IL7: variants seen among roughly 807,000 people sequenced by gnomAD.
IL7 encodes interleukin 7, also known as interleukin-7.
Under a neutral mutation model 21.6 loss-of-function variants are expected in IL7, and 3 were observed. That is an observed-to-expected ratio of 0.14 (90% CI 0.06 to 0.36). IL7 has a LOEUF of 0.36. IL7 is among the 10% of genes least tolerant of loss of function. The pLI, the probability that IL7 is intolerant of heterozygous loss-of-function variation, is 1.00. For synonymous variants in IL7, 62 were observed against 68.1 expected, an observed-to-expected ratio of 0.91 and a Z score of 0.44; for missense variants, 175 against 200.2, an observed-to-expected ratio of 0.87 and a Z score of 0.76.
chr8:78,699,766 A>G (rs939141729), intron 3 of IL7, among the ~76,000 whole-genome samples: 12 of 152,120 alleles, frequency 7.9e-5, no homozygotes, highest in Non-Finnish European at 1.6e-4. Flanking sequence ...AATGGCCTCC[A>G]GCTCCATTCA....
intron 2 of IL7, among the ~76,000 whole-genome samples, chr8:78,790,168 A>G (rs998766892): frequency 6.6e-6 from 1 of 152,174 alleles, no homozygotes; most frequent in African/African-American, 2.4e-5. Context: ...AAATAAAGGG[A>G]TAGCCCTGTA....
downstream of IL7, chr8:78,715,283 T>G: frequency 1.2e-6 from 2 of 1,613,924 alleles, no homozygotes; most frequent in Non-Finnish European, 1.7e-6. Flanking sequence ...GCCCCAGGTG[T>G]GCTTACAAAC....
At chr8:78,714,725 A>T (rs1432853857), downstream of IL7, among the ~76,000 whole-genome samples, 1 of 152,222 alleles carries the variant, frequency 6.6e-6, no homozygotes, top group Non-Finnish European at 1.5e-5. Context: ...TAAAGGGAAT[A>T]TTATATTAAC....
At chr8:78,695,318 T>TATTTGGA (rs1810363341) in intron 3 of IL7, among the ~76,000 whole-genome samples, 1 of 152,166 alleles carries the variant, frequency 6.6e-6, no homozygotes, top group Admixed American at 6.6e-5. Flanking sequence ...TCTGCCTAAG[T>TATTTGGA]ATTTGGAAGC....
At chr8:78,800,512 C>T (rs1226219527) in intron 1 of IL7, among the ~76,000 whole-genome samples, 1 of 152,142 alleles carries the variant, frequency 6.6e-6, no homozygotes, top group Non-Finnish European at 1.5e-5. Context: ...TTTGTACAGA[C>T]TGGTCTTGAA....
chr8:78,728,057 A>G (rs1031102978), downstream of IL7, among the ~76,000 whole-genome samples: 3 of 152,066 alleles, frequency 2.0e-5, no homozygotes, highest in African/African-American at 4.8e-5. Flanking sequence ...AGTCATGCAT[A>G]TATCTAACTA....
chr8:78,785,269 T>A (rs1194980180), intron 2 of IL7, among the ~76,000 whole-genome samples: 1 of 152,194 alleles, frequency 6.6e-6, no homozygotes, highest in Non-Finnish European at 1.5e-5. Context: ...CATAGGTTGT[T>A]TTATTCTTCC....
chr8:78,709,851 A>C (rs1387151943), intron 3 of IL7, among the ~76,000 whole-genome samples: 1 of 152,228 alleles, frequency 6.6e-6, no homozygotes, highest in Non-Finnish European at 1.5e-5. Flanking sequence ...ATAGCATCAT[A>C]ACAACAGAGG....
intron 1 of IL7, among the ~76,000 whole-genome samples, chr8:78,799,400 G>C (rs1235423551): frequency 1.3e-5 from 2 of 152,068 alleles, no homozygotes; most frequent in Non-Finnish European, 2.9e-5. Flanking sequence ...GTTACAAATA[G>C]AGAAAATTTT....
intron 3 of IL7, among the ~76,000 whole-genome samples, chr8:78,688,361 A>C (rs1480596150): frequency 1.3e-5 from 2 of 152,048 alleles, no homozygotes; most frequent in East Asian, 1.9e-4. Context: ...AAAACAGCTT[A>C]TTTCTTTCTT....
chr8:78,773,551 T>C lies in IL7; in HGVS notation c.147+24521A>G, dbSNP rs1813034271. Among the ~76,000 whole-genome samples the C allele has an allele frequency of 2.0e-5, 3 of 152,012 alleles. 1 individual carries two copies. The highest frequency in any genetic ancestry group is 1.3e-4 in the Admixed American group (2 of 15,236). On this transcript the variant is annotated intron_variant, in intron 2 of 5. Transcript: ENST00000263851. ...TTTTGGAAACAGTAAGTAATCCAAT[T>C]TGGTTGTGGTGCTGGGCGTGTAAGG...
intron 3 of IL7, among the ~76,000 whole-genome samples, chr8:78,686,282 A>G (rs551008086): frequency 4.6e-5 from 7 of 152,298 alleles, no homozygotes; most frequent in African/African-American, 1.7e-4. Flanking sequence ...AAGAAATTGA[A>G]TATAAAATTG....
intron 3 of IL7, among the ~76,000 whole-genome samples, chr8:78,710,204 T>G (rs1471269599): frequency 1.3e-5 from 2 of 152,212 alleles, no homozygotes; most frequent in Non-Finnish European, 2.9e-5. Flanking sequence ...AATGGCAACT[T>G]AGAATGTAAG....
At chr8:78,803,096 AT>A (rs1814141502) in intron 1 of IL7, among the ~76,000 whole-genome samples, 1 of 152,228 alleles carries the variant, frequency 6.6e-6, no homozygotes, top group Non-Finnish European at 1.5e-5. Flanking sequence ...TTTTAAAAAA[AT>A]ATTCAAACAC....
intron 2 of IL7, among the ~76,000 whole-genome samples, chr8:78,782,025 T>G (rs560419215): frequency 2.6e-5 from 4 of 152,320 alleles, no homozygotes; most frequent in Non-Finnish European, 4.4e-5. Context: ...TACCTGTGGT[T>G]GCATTGGGAA....
chr8:78,692,419 G>A (rs775610953), intron 3 of IL7, among the ~76,000 whole-genome samples: 1 of 152,096 alleles, frequency 6.6e-6, no homozygotes, highest in Non-Finnish European at 1.5e-5. Context: ...GTTAGTTTCT[G>A]TTGACTTGAC....
At chr8:78,681,218 C>A (rs1406905576) in intron 4 of IL7, among the ~76,000 whole-genome samples, 1 of 151,926 alleles carries the variant, frequency 6.6e-6, no homozygotes, top group East Asian at 1.9e-4. Context: ...CTGGGCCTCT[C>A]CTCCCTAAAA....
intron 2 of IL7, among the ~76,000 whole-genome samples, chr8:78,793,761 A>G (rs1813769844): frequency 6.6e-6 from 1 of 152,166 alleles, no homozygotes; most frequent in Non-Finnish European, 1.5e-5. Flanking sequence ...ACTGTTTGAA[A>G]GCATTTTATC....
At chr8:78,707,723 C>T (rs934957812) in intron 3 of IL7, among the ~76,000 whole-genome samples, 2 of 152,104 alleles carry the variant, frequency 1.3e-5, no homozygotes, top group African/African-American at 2.4e-5. Flanking sequence ...AGCTTTCCAA[C>T]TACTGGAAAG....
Sources: allele counts gnomAD v4.1 joint callset (sites outside exome capture counted in the v4.1 genomes callset), GRCh38; gene constraint gnomAD v4.1.1; transcripts MANE v1.5; gene names NCBI Gene and HGNC (gene_info 2026-07-23, HGNC 2026-07-21).